Variants in ASH2L observed in about 807,000 individuals in gnomAD.
ASH2L encodes the protein set1/Ash2 histone methyltransferase complex subunit ASH2.
Under a neutral mutation model 81.1 loss-of-function variants are expected in ASH2L, and 30 were observed. The observed-to-expected ratio is 0.37, with a 90% CI of 0.28 to 0.50. The LOEUF (loss-of-function observed/expected upper bound fraction) is 0.50, where lower values mean the gene tolerates loss of function less well. Among genes scored for constraint, ASH2L ranks in the 20% least tolerant of loss-of-function variants. ASH2L has a pLI of 0.95. For synonymous variants in ASH2L, 273 were observed against 279.9 expected (o/e 0.98, Z 0.24); for missense variants, 559 against 792.1 (o/e 0.71, Z 3.53).
intron 3 of ASH2L, among the ~76,000 whole-genome samples, chr8:38,107,467 A>G (rs1023742637): frequency 1.3e-5 from 2 of 152,218 alleles, no homozygotes; most frequent in Non-Finnish European, 2.9e-5. Context: ...TTAGAACAAT[A>G]TAAACCTTGT....
In ASH2L at chr8:38,106,386, A is replaced by G. The variant is rs770004027; in HGVS notation, c.197A>G (p.Asn66Ser). 1.9e-6 allele frequency: 3 copies of G among 1,614,128 alleles called. No homozygotes were observed. The highest frequency in any genetic ancestry group is 2.5e-6 in the Non-Finnish European group (3 of 1,179,976). ...CTTTCATTATCTTATAGGGAGGCAA[A>G]CTTGGTCGATGTAAGCGGTGGCTTG... ...SSGEAEGGEA[N>S]LVDVSGGLET... is the part of the protein sequence containing the mutation. The change falls in exon 2 of 16, where the codon AAC becomes AGC. Residue 66 changes from asparagine to serine, a missense_variant. Coordinates refer to ENST00000343823, the MANE Select transcript of ASH2L (RefSeq NM_004674.5).
chr8:38,108,031 C>G (rs1174023007), intron 3 of ASH2L, among the ~76,000 whole-genome samples: 2 of 151,986 alleles, frequency 1.3e-5, no homozygotes, highest in Non-Finnish European at 2.9e-5. Flanking sequence ...AACTTCTGAG[C>G]TCAAGGGATC....
At chr8:38,121,235 T>A (rs561957072) in intron 10 of ASH2L, 86 bp downstream of exon 10, 2 of 1,239,876 alleles carry the variant, frequency 1.6e-6, no homozygotes, top group South Asian at 2.5e-5. Flanking sequence ...TAGGTGTACA[T>A]CTCAGTCTGT....
chr8:38,110,839 G>C lies in ASH2L; in HGVS notation c.585+6G>C. On this transcript the variant is annotated splice_donor_region_variant and intron_variant, in intron 5 of 15. Transcript: ENST00000343823. ...CAATGTTCTCCAAAGATAAGGTAGA[G>C]GTGGAACTAATGTGATTGCAGTTAT... 2 of 1,610,176 alleles carry C rather than the reference G, an allele frequency of 1.2e-6. No homozygotes were observed. The highest frequency in any genetic ancestry group is 8.5e-7 in the Non-Finnish European group (1 of 1,177,456).
intron 3 of ASH2L, among the ~76,000 whole-genome samples, chr8:38,108,282 C>T (rs914480452): frequency 2.1e-4 from 32 of 152,138 alleles, no homozygotes; most frequent in South Asian, 4.1e-4. Flanking sequence ...GGAAAACACA[C>T]TAGCTAAGCA....
chr8:38,138,779 AT>A, intron 14 of ASH2L, 36 bp from the exon 15 acceptor site: 3 of 1,600,758 alleles, frequency 1.9e-6, no homozygotes, highest in Non-Finnish European at 1.7e-6. Context: ...TTTTTTGTCC[AT>A]TTTTTCCATG....
At chr8:38,118,049 A>G (rs1244246622) in intron 8 of ASH2L, among the ~76,000 whole-genome samples, 1 of 152,146 alleles carries the variant, frequency 6.6e-6, no homozygotes, top group Non-Finnish European at 1.5e-5. Context: ...ACAGAGCAAG[A>G]CTCTGTCTCA....
rs1213504980 is a variant in ASH2L at position 38,138,731 on chromosome 8, A to G, written c.1720-85A>G. ...CCCCCGAGTATTGTAGCCACATTTA[A>G]AGTGAAAATTTCCTGTGTCAAATTA... On this transcript the variant is annotated intron_variant, in intron 14 of 15. Transcript: ENST00000343823. 5 of 1,160,574 alleles carry G rather than the reference A, an allele frequency of 4.3e-6. No homozygotes were observed. The East Asian group carries it at 1.2e-4, about 27-fold the overall frequency. 71.9% of individuals were successfully genotyped at this position (1,160,574 alleles called of 1,614,324 possible).
intron 14 of ASH2L, among the ~76,000 whole-genome samples, chr8:38,137,200 A>G (rs555896974): frequency 2.6e-5 from 4 of 152,108 alleles, no homozygotes. Flanking sequence ...CAAGAGATCG[A>G]GACCATCCTG....
chr8:38,132,083 G>C (rs565891934), intron 12 of ASH2L, among the ~76,000 whole-genome samples: 10 of 151,990 alleles, frequency 6.6e-5, no homozygotes, highest in Non-Finnish European at 1.5e-4. Context: ...TCCTGGCCTC[G>C]TGATCTGCCT....
At chr8:38,109,924 T>C (rs896816308) in intron 3 of ASH2L, among the ~76,000 whole-genome samples, 6 of 152,206 alleles carry the variant, frequency 3.9e-5, no homozygotes, top group African/African-American at 1.4e-4. Flanking sequence ...GATGCTGAAT[T>C]GTCCAGTATA....
intron 10 of ASH2L, among the ~76,000 whole-genome samples, chr8:38,126,754 T>C (rs1801859740): frequency 6.8e-6 from 1 of 147,834 alleles, no homozygotes; most frequent in East Asian, 2.0e-4. Context: ...CTTGGGAGGC[T>C]GAGGCAGGAG....
intron 13 of ASH2L, among the ~76,000 whole-genome samples, chr8:38,135,333 C>CTGGATATGGTGGTGT (rs1802210322): frequency 6.6e-6 from 1 of 151,950 alleles, no homozygotes; most frequent in Non-Finnish European, 1.5e-5. Flanking sequence ...CCTGTAGTCC[C>CTGGATATGGTGGTGT]AGCTGCTTGG....
rs1159035429 is a variant in ASH2L, at chr8:38,105,703, G to A, written c.153G>A (p.Pro51=). The part of the protein sequence containing the change: ...APPGEGISAA[P]TVEPSSGEAE... ...CTGGAGAGGGGATCTCTGCTGCTCC[G>A]ACAGTTGAGCCCAGTTCCGGGGAGG... Residue 51 remains proline (P), a synonymous_variant, in exon 1 of 16, where the codon CCG becomes CCA. Coordinates refer to ENST00000343823, the MANE Select transcript of ASH2L (RefSeq NM_004674.5). 5 of 1,558,322 alleles carry A rather than the reference G, an allele frequency of 3.2e-6. No homozygotes were observed. The highest frequency in any genetic ancestry group is 4.3e-6 in the Non-Finnish European group (5 of 1,154,300).
Position 38,118,816 on chromosome 8 carries a change from G to C in ASH2L, c.854-454G>C, listed in dbSNP as rs59772960. On this transcript the variant is annotated intron_variant, in intron 8 of 15. Transcript: ENST00000343823. ...TGATGTTTATGGACTGTATTGTGTA[G>C]TTCAAGCAAGTGAACATCGACTTAC... is the stretch of plus-strand genomic sequence containing the variant. Among the ~76,000 whole-genome samples, 1,501 of 152,296 alleles carry C rather than the reference G, an allele frequency of 9.9e-3. 23 individuals carry two copies. The highest frequency in any genetic ancestry group is 0.034 in the African/African-American group (1,404 of 41,564).
intron 5 of ASH2L, among the ~76,000 whole-genome samples, chr8:38,112,418 A>G (rs1810726005): frequency 6.6e-6 from 1 of 151,822 alleles, no homozygotes; most frequent in Non-Finnish European, 1.5e-5. Flanking sequence ...GATTATGTTC[A>G]GGTTAAACTT....
chr8:38,107,243 C>T (rs1408466994), intron 3 of ASH2L, 77 bp downstream of exon 3: 2 of 1,566,150 alleles, frequency 1.3e-6, no homozygotes, highest in African/African-American at 2.7e-5. Flanking sequence ...ACTTTGTGGG[C>T]AAAATAAATG....
chr8:38,106,457 AGTT>A lies in ASH2L; in HGVS notation c.255+17_255+19del. ...AAAAGATACACTAGTAAGTATTTTTAGTTGTTTGCAAGACAAAATAGGGTTTGT... is the reference window on the plus strand; with the variant it reads ...AAAAGATACACTAGTAAGTATTTTTAGTTTGCAAGACAAAATAGGGTTTGT... On this transcript the variant is annotated intron_variant, in intron 2 of 15. Coordinates refer to ENST00000343823, the MANE Select transcript of ASH2L (RefSeq NM_004674.5). 1.3e-6 allele frequency: 2 copies of A among 1,592,334 alleles called. No homozygotes were observed. The highest frequency in any genetic ancestry group is 1.7e-4 in the Middle Eastern group (1 of 5,988).
intron 12 of ASH2L, 79 bp from the exon 13 acceptor site, chr8:38,133,373 CTA>C: frequency 1.1e-6 from 1 of 919,628 alleles, no homozygotes; most frequent in Non-Finnish European, 1.7e-6. Context: ...GGGGTTAACA[CTA>C]TTTGTGTGCG....
Sources: allele counts gnomAD v4.1 joint callset (sites outside exome capture counted in the v4.1 genomes callset), GRCh38; gene constraint gnomAD v4.1.1; transcripts MANE v1.5; gene names NCBI Gene and HGNC (gene_info 2026-07-23, HGNC 2026-07-21).